EMC2: variants seen among roughly 807,000 people sequenced by gnomAD.
The protein encoded by EMC2 is TPR repeat protein 35.
EMC2 carries 37 observed loss-of-function variants against 51.6 expected under a neutral mutation model. That is an observed-to-expected ratio of 0.72 (90% CI 0.55 to 0.94). The LOEUF (loss-of-function observed/expected upper bound fraction) is 0.94, where lower values mean the gene tolerates loss of function less well. EMC2 is among the 40% of genes least tolerant of loss of function. The probability of loss-of-function intolerance (pLI) is 0.00; values close to 1 mark genes in which losing one functional copy is unlikely to be tolerated. For missense variants in EMC2, 359 were observed against 350.9 expected (o/e 1.02, Z -0.18); for synonymous variants, 131 against 112.4 (o/e 1.17, Z -1.04).
intron 10 of EMC2, among the ~76,000 whole-genome samples, chr8:108,480,981 ATTTG>A (rs752389059): frequency 6.6e-6 from 1 of 152,032 alleles, no homozygotes; most frequent in Non-Finnish European, 1.5e-5. Context: ...AGAATTCATA[ATTTG>A]TTTGGTTTTT....
At chr8:108,480,201 A>G (rs1478628733) in intron 10 of EMC2, among the ~76,000 whole-genome samples, 1 of 151,860 alleles carries the variant, frequency 6.6e-6, no homozygotes, top group East Asian at 1.9e-4. Context: ...CGTGTATTAG[A>G]CTTCATTTTT....
chr8:108,475,715 T>G (rs1212717006), intron 7 of EMC2, 167 bp from the exon 8 acceptor site: 2 of 527,952 alleles, frequency 3.8e-6, no homozygotes, highest in Non-Finnish European at 6.7e-6. Context: ...ATGTCATTGA[T>G]ATTTATGAAT....
At chr8:108,446,455 G>C (rs1188999074) in intron 1 of EMC2, among the ~76,000 whole-genome samples, 1 of 152,168 alleles carries the variant, frequency 6.6e-6, no homozygotes, top group Non-Finnish European at 1.5e-5. Flanking sequence ...CCTGGGCATG[G>C]ATAATAGCAG....
intron 5 of EMC2, among the ~76,000 whole-genome samples, chr8:108,457,632 CTT>C (rs1819201929): frequency 6.6e-6 from 1 of 152,096 alleles, no homozygotes; most frequent in Non-Finnish European, 1.5e-5. Flanking sequence ...ATCAGAGACT[CTT>C]TCACTATCAC....
In EMC2 at chr8:108,447,506, A is replaced by C. The variant is rs557986869; in HGVS notation, c.41-2317A>C. 2.5e-4 allele frequency among the ~76,000 whole-genome samples: 38 copies of C among 152,304 alleles called. No individual in the cohort carries two copies. In the South Asian group the frequency reaches 7.7e-3, roughly 31 times the overall value. ...GCTGGTTTATGTAAATGAATCTGTA[A>C]GTGGTATTTCCGAATATATAAAAAA... is the stretch of plus-strand genomic sequence containing the variant. On this transcript the variant is annotated intron_variant, in intron 1 of 10. Transcript: ENST00000220853.
chr8:108,446,774 G>A (rs1167944985), intron 1 of EMC2, among the ~76,000 whole-genome samples: 3 of 152,158 alleles, frequency 2.0e-5, no homozygotes, highest in African/African-American at 7.2e-5. Flanking sequence ...TTAGATAAAT[G>A]TATTTAAGGC....
At chr8:108,450,999 C>A (rs371680723) in intron 3 of EMC2, among the ~76,000 whole-genome samples, 12 of 152,104 alleles carry the variant, frequency 7.9e-5, no homozygotes, top group Admixed American at 5.2e-4. Context: ...GTCAGGAGTT[C>A]GAGACCAGCC....
At chr8:108,483,822 A>G (rs1811088795) in intron 10 of EMC2, among the ~76,000 whole-genome samples, 1 of 152,210 alleles carries the variant, frequency 6.6e-6, no homozygotes, top group Non-Finnish European at 1.5e-5. Context: ...ATAATGTAAA[A>G]GAGTATATAA....
At chr8:108,463,333 G>C (rs1819377289) in intron 5 of EMC2, among the ~76,000 whole-genome samples, 1 of 152,092 alleles carries the variant, frequency 6.6e-6, no homozygotes, top group African/African-American at 2.4e-5. Context: ...GAATTGGAGG[G>C]GACTGGGCTA....
chr8:108,465,270 C>G (rs886967546), intron 5 of EMC2, among the ~76,000 whole-genome samples: 2 of 152,136 alleles, frequency 1.3e-5, no homozygotes, highest in Non-Finnish European at 2.9e-5. Context: ...GAAAATCTTA[C>G]AGGAGCATGA....
chr8:108,456,359 A>AAAAAAAAAAAAAAAAAAC (rs1819158373), intron 5 of EMC2, among the ~76,000 whole-genome samples: 5 of 150,052 alleles, frequency 3.3e-5, no homozygotes, highest in African/African-American at 9.8e-5. Context: ...AAAAAAAAAA[A>AAAAAAAAAAAAAAAAAAC]AACAACTTCT....
intron 5 of EMC2, among the ~76,000 whole-genome samples, chr8:108,461,769 T>C (rs183877591): frequency 6.7e-6 from 1 of 149,896 alleles, no homozygotes; most frequent in African/African-American, 2.4e-5. Context: ...AATGATATGG[T>C]AAAAAAAAAA....
chr8:108,479,127 C>A lies in EMC2; in HGVS notation c.807+17C>A. On this transcript the variant is annotated intron_variant, in intron 10 of 10. Transcript: ENST00000220853. ...GCTTATCAGGTTAGTATTTATTGAT[C>A]ATTTTGCTATGTAGGTCAGTTAATG... is the stretch of plus-strand genomic sequence containing the variant. 7.1e-7 allele frequency: 1 copy of A among 1,404,378 alleles called. No homozygotes were observed. Among genetic ancestry groups the A allele is most frequent in the South Asian group, 1.4e-5 (1 of 70,954 alleles). The allele number at this position is 1,404,378 out of a possible 1,614,324, so 87.0% of individuals were successfully genotyped here.
intron 1 of EMC2, chr8:108,446,317 T>C (rs1818877342): frequency 4.7e-6 from 2 of 423,738 alleles, no homozygotes; most frequent in Non-Finnish European, 9.5e-6. Context: ...AATCATTGGG[T>C]ATCTTAAGAA....
chr8:108,486,452 A>G (rs76091150), intron 10 of EMC2, 60 bp from the exon 11 acceptor site: 37,542 of 1,463,928 alleles, frequency 0.026, 619 homozygotes, highest in South Asian at 0.045. Flanking sequence ...GAAGATTGTC[A>G]TTTTTAACCT....
At chr8:108,445,451 C>T (rs1818855799) in intron 1 of EMC2, among the ~76,000 whole-genome samples, 1 of 152,094 alleles carries the variant, frequency 6.6e-6, no homozygotes, top group Admixed American at 6.5e-5. Context: ...CTAGTCCTTC[C>T]ACTGGGAGTG....
At chr8:108,448,837 A>G (rs2130331068) in intron 1 of EMC2, among the ~76,000 whole-genome samples, 1 of 152,184 alleles carries the variant, frequency 6.6e-6, no homozygotes, top group East Asian at 1.9e-4. Context: ...AAAATTTAAA[A>G]TTCTAGTGGT....
At chr8:108,456,097 T>G (rs1819148432) in intron 5 of EMC2, 167 bp downstream of exon 5, 2 of 214,120 alleles carry the variant, frequency 9.3e-6, no homozygotes, top group East Asian at 2.2e-4. Flanking sequence ...CACAGTTTAT[T>G]TTAAATAGAT....
At chr8:108,446,539 T>C (rs947619580) in intron 1 of EMC2, among the ~76,000 whole-genome samples, 1 of 152,096 alleles carries the variant, frequency 6.6e-6, no homozygotes, top group Non-Finnish European at 1.5e-5. Flanking sequence ...GACTTAGATA[T>C]ACAAAACTCC....
Sources: allele counts gnomAD v4.1 joint callset (sites outside exome capture counted in the v4.1 genomes callset), GRCh38; gene constraint gnomAD v4.1.1; transcripts MANE v1.5; gene names NCBI Gene and HGNC (gene_info 2026-07-23, HGNC 2026-07-21).